INPP5A: variants seen among roughly 807,000 people sequenced by gnomAD.
INPP5A encodes the protein inositol polyphosphate-5-phosphatase A.
INPP5A carries 14 observed loss-of-function variants against 65.2 expected under a neutral mutation model. The ratio of observed to expected loss-of-function variants is 0.21; its 90% CI spans 0.14 to 0.34. The LOEUF (loss-of-function observed/expected upper bound fraction) is 0.34. INPP5A is among the 10% of genes least tolerant of loss of function. The pLI is 1.00. For synonymous variants in INPP5A, 207 were observed against 208.3 expected (o/e 0.99, Z 0.05); for missense variants, 431 against 545.6 (o/e 0.79, Z 2.09).
chr10:132,723,825 G>C (rs1009034524), intron 8 of INPP5A, among the ~76,000 whole-genome samples: 1 of 152,166 alleles, frequency 6.6e-6, no homozygotes, highest in African/African-American at 2.4e-5. Context: ...CTCTCCTGGG[G>C]TCTCGGAGCA....
chr10:132,778,207 G>A (rs1241197391), intron 13 of INPP5A, among the ~76,000 whole-genome samples: 1 of 150,656 alleles, frequency 6.6e-6, no homozygotes, highest in East Asian at 1.9e-4. Flanking sequence ...ATTCATTTGA[G>A]CCTCGATAAG....
intron 1 of INPP5A, among the ~76,000 whole-genome samples, chr10:132,583,829 C>T (rs1263535956): frequency 6.6e-6 from 1 of 152,144 alleles, no homozygotes; most frequent in Non-Finnish European, 1.5e-5. Flanking sequence ...TTGCTGTAAT[C>T]CCAGCACTTT....
intron 4 of INPP5A, among the ~76,000 whole-genome samples, chr10:132,668,498 A>G (rs1333389384): frequency 6.6e-6 from 1 of 152,256 alleles, no homozygotes; most frequent in African/African-American, 2.4e-5. Flanking sequence ...CAGAGGTTAT[A>G]TAATAAAAAG....
intron 8 of INPP5A, among the ~76,000 whole-genome samples, chr10:132,720,781 G>C (rs1280135297): frequency 6.7e-6 from 1 of 150,220 alleles, no homozygotes; most frequent in Non-Finnish European, 1.5e-5. Context: ...TGTGGTACCT[G>C]GGTTCTGTCT....
chr10:132,558,682 C>T (rs925220999), intron 1 of INPP5A, among the ~76,000 whole-genome samples: 6 of 152,238 alleles, frequency 3.9e-5, no homozygotes, highest in African/African-American at 1.2e-4. Flanking sequence ...GAGGCGGTAG[C>T]CTTGGCAGCA....
At chr10:132,770,186 G>C (rs556601872) in intron 12 of INPP5A, among the ~76,000 whole-genome samples, 1 of 152,098 alleles carries the variant, frequency 6.6e-6, no homozygotes, top group African/African-American at 2.4e-5. Context: ...GGATGCTATC[G>C]TCTCCTCTGG....
intron 1 of INPP5A, among the ~76,000 whole-genome samples, chr10:132,562,909 A>C (rs1262084595): frequency 5.9e-5 from 9 of 152,026 alleles, no homozygotes; most frequent in Non-Finnish European, 1.2e-4. Context: ...CTGGTATCTC[A>C]GGTCCTGTCT....
At chr10:132,640,918 T>C (rs1238078978) in intron 2 of INPP5A, among the ~76,000 whole-genome samples, 2 of 152,174 alleles carry the variant, frequency 1.3e-5, no homozygotes, top group South Asian at 4.1e-4. Flanking sequence ...TTTCCTGGAA[T>C]CGGCCTCCGT....
At chr10:132,721,257 G>T (rs1164192896) in intron 8 of INPP5A, among the ~76,000 whole-genome samples, 3 of 150,220 alleles carry the variant, frequency 2.0e-5, no homozygotes, top group Non-Finnish European at 4.4e-5. Context: ...TTCTGTCTGG[G>T]CACCTTAGAT....
chr10:132,757,802 C>T (rs78949150), intron 11 of INPP5A, among the ~76,000 whole-genome samples: 25 of 108,140 alleles, frequency 2.3e-4, no homozygotes, highest in African/African-American at 7.1e-4. Context: ...AGCACCATGG[C>T]GTGGGTGCCC....
At chr10:132,669,208 G>A (rs761570653) in intron 4 of INPP5A, among the ~76,000 whole-genome samples, 5 of 152,268 alleles carry the variant, frequency 3.3e-5, no homozygotes, top group East Asian at 3.9e-4. Context: ...AGCAGACATC[G>A]TGCCACCGCA....
At chr10:132,764,844 A>T (rs1332816236) in intron 11 of INPP5A, among the ~76,000 whole-genome samples, 3 of 137,994 alleles carry the variant, frequency 2.2e-5, no homozygotes, top group African/African-American at 8.5e-5. Flanking sequence ...ACACTCAGAA[A>T]CACGGCCGGG....
At chr10:132,564,216 A>G (rs2071243738) in intron 1 of INPP5A, among the ~76,000 whole-genome samples, 1 of 152,068 alleles carries the variant, frequency 6.6e-6, no homozygotes, top group African/African-American at 2.4e-5. Flanking sequence ...GGCCACCGCC[A>G]TCAGTGGGGA....
rs1222622403 is a variant in INPP5A, at chr10:132,549,903, C to T, written c.75+11732C>T. 7.3e-5 allele frequency among the ~76,000 whole-genome samples: 11 copies of T among 151,088 alleles called. No homozygotes were observed. Among genetic ancestry groups the T allele is most frequent in the South Asian group, 4.2e-4 (2 of 4,732 alleles). ...AGGCATTAGGGGATGGGGTCAGCCT[C>T]GAGTTACTAACCGGGCATTAGGGGA... On this transcript the variant is annotated intron_variant, in intron 1 of 15. Coordinates refer to ENST00000368594, the MANE Select transcript of INPP5A (RefSeq NM_005539.5). The surrounding 1 kb of genome is among the most constrained non-coding windows in gnomAD (Gnocchi z 4.9).
At chr10:132,654,879 G>T (rs1175762728) in intron 4 of INPP5A, among the ~76,000 whole-genome samples, 1 of 152,248 alleles carries the variant, frequency 6.6e-6, no homozygotes, top group Non-Finnish European at 1.5e-5. Flanking sequence ...CGACCTGCAG[G>T]TGCCCATTGC....
chr10:132,666,743 T>C (rs2072810238), intron 4 of INPP5A, among the ~76,000 whole-genome samples: 1 of 152,262 alleles, frequency 6.6e-6, no homozygotes, highest in Non-Finnish European at 1.5e-5. Context: ...GCTGACCTAA[T>C]GGATGAAGTC....
chr10:132,766,278 G>C (rs1043018398), intron 12 of INPP5A, among the ~76,000 whole-genome samples: 51 of 152,278 alleles, frequency 3.3e-4, no homozygotes, highest in African/African-American at 1.2e-3. Flanking sequence ...GCAGCTGAGA[G>C]TAATAAGTAA....
Position 132,718,600 on chromosome 10 carries a change from T to G in INPP5A, c.647+8144T>G, listed in dbSNP as rs1209483365. 1.2e-4 allele frequency among the ~76,000 whole-genome samples: 18 copies of G among 149,100 alleles called. 1 individual carries two copies. The highest frequency in any genetic ancestry group is 8.7e-4 in the Admixed American group (13 of 14,968). On this transcript the variant is annotated intron_variant, in intron 8 of 15. Transcript: ENST00000368594. ...GTACCTGGGTTCTGTCTAGGCACCT[T>G]AGACGACTGTCTTCAGGGTTCTGTG...
At chr10:132,712,387 G>C (rs1204115205) in intron 8 of INPP5A, among the ~76,000 whole-genome samples, 1 of 151,608 alleles carries the variant, frequency 6.6e-6, no homozygotes. Context: ...GTGGATGCTT[G>C]TGTGTGCATG....
Sources: gnomAD v4.1 joint callset for allele counts (sites outside exome capture counted in the v4.1 genomes callset) on GRCh38, gnomAD v4.1.1 for gene constraint, Gnocchi (gnomAD v3.1) non-coding constraint, MANE v1.5 for transcripts, NCBI Gene and HGNC (gene_info 2026-07-23, HGNC 2026-07-21) for gene names.